SLC24A2: variants seen among roughly 807,000 people sequenced by gnomAD.
SLC24A2 encodes sodium/potassium/calcium exchanger 2.
Under a neutral mutation model 62.0 loss-of-function variants are expected in SLC24A2, and 36 were observed. The observed-to-expected ratio is 0.58, with a 90% CI of 0.44 to 0.77. The LOEUF (loss-of-function observed/expected upper bound fraction) is 0.77, where lower values mean the gene tolerates loss of function less well. SLC24A2 is among the 30% of genes least tolerant of loss of function. The pLI is 0.00. For synonymous variants in SLC24A2, 358 were observed against 294.0 expected, an observed-to-expected ratio of 1.22 and a Z score of -2.23; for missense variants, 846 against 817.9, an observed-to-expected ratio of 1.03 and a Z score of -0.42.
upstream of SLC24A2, among the ~76,000 whole-genome samples, chr9:19,789,616 T>A (rs1823281395): frequency 6.6e-6 from 1 of 152,186 alleles, no homozygotes; most frequent in Admixed American, 6.5e-5. Context: ...GCTTCGGCTT[T>A]TGGCCTCGGG....
chr9:20,166,681 A>G, the SLC24A2 span, among the ~76,000 whole-genome samples: 54 of 152,130 alleles, frequency 3.5e-4, no homozygotes, highest in East Asian at 9.9e-3. Context: ...GGTATGAAAG[A>G]ACAGGGATAA....
the SLC24A2 span, among the ~76,000 whole-genome samples, chr9:20,082,277 C>T: frequency 6.6e-6 from 1 of 152,192 alleles, no homozygotes. Flanking sequence ...CTTATTAACC[C>T]CAATTTTGTA....
the SLC24A2 span, among the ~76,000 whole-genome samples, chr9:20,187,410 T>A: frequency 6.6e-6 from 1 of 152,176 alleles, no homozygotes; most frequent in East Asian, 1.9e-4. Flanking sequence ...CCCCGTTGCT[T>A]ACTCAACCAA....
At chr9:19,850,976 T>TAC in the SLC24A2 span, among the ~76,000 whole-genome samples, 27 of 47,160 alleles carry the variant, frequency 5.7e-4, no homozygotes, top group South Asian at 2.5e-3. Context: ...TGTATATATA[T>TAC]ATATATATGT....
At chr9:20,016,853 T>C in the SLC24A2 span, among the ~76,000 whole-genome samples, 467 of 152,228 alleles carry the variant, frequency 3.1e-3, 4 homozygotes, top group African/African-American at 0.011. Context: ...GGGGCATACT[T>C]GGGTATCAGG....
chr9:20,243,581 TACAG>T, the SLC24A2 span, among the ~76,000 whole-genome samples: 84 of 152,324 alleles, frequency 5.5e-4, no homozygotes, highest in Non-Finnish European at 9.7e-4. Flanking sequence ...CGCTTACACA[TACAG>T]ACACACACAC....
At chr9:20,101,535 G>C in the SLC24A2 span, among the ~76,000 whole-genome samples, 4 of 152,142 alleles carry the variant, frequency 2.6e-5, no homozygotes, top group Non-Finnish European at 5.9e-5. Flanking sequence ...TAGTATGAGA[G>C]AACTTTTGTG....
chr9:19,871,620 T>C, the SLC24A2 span, among the ~76,000 whole-genome samples: 1 of 152,208 alleles, frequency 6.6e-6, no homozygotes, highest in Non-Finnish European at 1.5e-5. Flanking sequence ...GTAGATACTA[T>C]ATATTGCATG....
chr9:19,893,751 G>C, the SLC24A2 span, among the ~76,000 whole-genome samples: 5 of 152,048 alleles, frequency 3.3e-5, no homozygotes, highest in Non-Finnish European at 1.5e-5. Context: ...AGGAACACAA[G>C]ATTGGCTAAA....
At chr9:20,112,440 T>C in the SLC24A2 span, among the ~76,000 whole-genome samples, 1 of 152,210 alleles carries the variant, frequency 6.6e-6, no homozygotes. Flanking sequence ...AAGAAATTTA[T>C]GGGAATGCAG....
chr9:19,923,840 C>G, the SLC24A2 span, among the ~76,000 whole-genome samples: 1 of 152,172 alleles, frequency 6.6e-6, no homozygotes, highest in South Asian at 2.1e-4. Context: ...CTCCGCCTCC[C>G]AGGTTCAAGT....
At chr9:19,940,055 AG>A in the SLC24A2 span, among the ~76,000 whole-genome samples, 1 of 152,242 alleles carries the variant, frequency 6.6e-6, no homozygotes, top group Non-Finnish European at 1.5e-5. Flanking sequence ...TGGGGGTTTG[AG>A]GGGATGCTCC....
At chr9:20,256,673 G>C in the SLC24A2 span, among the ~76,000 whole-genome samples, 2 of 152,226 alleles carry the variant, frequency 1.3e-5, 1 homozygote, top group South Asian at 4.2e-4. Context: ...TTAGGTTCAG[G>C]GGAGAGGTTG....
At chr9:20,163,083 C>T in the SLC24A2 span, among the ~76,000 whole-genome samples, 1 of 152,084 alleles carries the variant, frequency 6.6e-6, no homozygotes, top group Admixed American at 6.6e-5. Context: ...GACAGGGATA[C>T]CCTCTCTCAC....
chr9:20,117,403 G>A, the SLC24A2 span, among the ~76,000 whole-genome samples: 9 of 152,014 alleles, frequency 5.9e-5, no homozygotes, highest in Non-Finnish European at 1.2e-4. Context: ...TCATTTCATG[G>A]TCTTTTGTAA....
chr9:19,782,695 A>C (rs1295028358), intron 2 of SLC24A2, among the ~76,000 whole-genome samples: 2 of 152,236 alleles, frequency 1.3e-5, no homozygotes, highest in Non-Finnish European at 2.9e-5. Flanking sequence ...ATGAAACATA[A>C]AAGGAAGGCA....
chr9:20,222,018 T>C, the SLC24A2 span, among the ~76,000 whole-genome samples: 1 of 152,060 alleles, frequency 6.6e-6, no homozygotes, highest in Non-Finnish European at 1.5e-5. Context: ...TTTTTGAAGA[T>C]ACAACAAAAG....
At chr9:19,780,138 G>A (rs369549027) in intron 2 of SLC24A2, among the ~76,000 whole-genome samples, 6 of 152,144 alleles carry the variant, frequency 3.9e-5, no homozygotes, top group African/African-American at 1.4e-4. Flanking sequence ...TCTAGACTTC[G>A]AATTATATAC....
chr9:19,554,638 A>G (rs528558836), intron 7 of SLC24A2, among the ~76,000 whole-genome samples: 5 of 152,322 alleles, frequency 3.3e-5, no homozygotes, highest in African/African-American at 9.6e-5. Flanking sequence ...TTCTGGCCAA[A>G]GGATGTATTG....
Sources: gnomAD v4.1 joint callset for allele counts (sites outside exome capture counted in the v4.1 genomes callset) on GRCh38, gnomAD v4.1.1 for gene constraint, MANE v1.5 for transcripts, NCBI Gene and HGNC (gene_info 2026-07-23, HGNC 2026-07-21) for gene names.